Variants in HDLBP observed in about 807,000 individuals in gnomAD.
HDLBP encodes high density lipoprotein binding protein.
HDLBP carries 30 observed loss-of-function variants against 137.3 expected under a neutral mutation model. The observed-to-expected ratio is 0.22, with a 90% CI of 0.16 to 0.30. HDLBP has a LOEUF of 0.30. HDLBP is among the 10% of genes least tolerant of loss of function. The probability of loss-of-function intolerance (pLI) is 1.00; values close to 1 mark genes in which losing one functional copy is unlikely to be tolerated. For missense variants in HDLBP, 1,119 were observed against 1,667.3 expected, an observed-to-expected ratio of 0.67 and a Z score of 5.73; for synonymous variants, 606 against 596.0, an observed-to-expected ratio of 1.02 and a Z score of -0.24.
intron 4 of HDLBP, among the ~76,000 whole-genome samples, chr2:241,263,192 AAG>A (rs1464737999): frequency 6.6e-6 from 1 of 152,236 alleles, no homozygotes; most frequent in Non-Finnish European, 1.5e-5. Flanking sequence ...CAACAGGGGC[AAG>A]AGAGTTTGAG....
chr2:241,232,909 G>A (rs2069945446), intron 24 of HDLBP, among the ~76,000 whole-genome samples: 1 of 152,112 alleles, frequency 6.6e-6, no homozygotes, highest in Admixed American at 6.5e-5. Flanking sequence ...GAGGCAGGGT[G>A]CAGGAGGGCC....
chr2:241,257,097 C>T (rs1239721581), intron 5 of HDLBP, among the ~76,000 whole-genome samples: 1 of 152,096 alleles, frequency 6.6e-6, no homozygotes, highest in African/African-American at 2.4e-5. Context: ...CAGGAAGAAG[C>T]ATGACTGCAT....
At chr2:241,292,892 G>C (rs2075053493) in intron 1 of HDLBP, among the ~76,000 whole-genome samples, 1 of 152,218 alleles carries the variant, frequency 6.6e-6, no homozygotes, top group Non-Finnish European at 1.5e-5. Flanking sequence ...AATCAGCCAG[G>C]TGTGGCGGTG....
chr2:241,307,908 G>A (rs1484351658), intron 1 of HDLBP, among the ~76,000 whole-genome samples: 2 of 150,188 alleles, frequency 1.3e-5, no homozygotes, highest in Non-Finnish European at 3.0e-5. Flanking sequence ...AAACAATGCT[G>A]GAAAGAACAT....
intron 1 of HDLBP, among the ~76,000 whole-genome samples, chr2:241,313,515 A>C (rs1435270831): frequency 6.6e-6 from 1 of 152,116 alleles, no homozygotes; most frequent in Non-Finnish European, 1.5e-5. Context: ...CCTGACCTCA[A>C]GTGTCCACCC....
chr2:241,268,117 T>C (rs1238884911), intron 2 of HDLBP, among the ~76,000 whole-genome samples: 1 of 152,192 alleles, frequency 6.6e-6, no homozygotes, highest in Admixed American at 6.5e-5. Context: ...GGAGTGAATT[T>C]TGCATAATTT....
chr2:241,268,482 A>C lies in HDLBP; in HGVS notation c.-43T>G. The C allele has an allele frequency of 1.0e-6, 1 of 985,956 alleles. No individual in the cohort carries two copies. The highest frequency in any genetic ancestry group is 1.2e-6 in the Non-Finnish European group (1 of 829,978). 61.1% of individuals were successfully genotyped at this position (985,956 alleles called of 1,614,324 possible). On this transcript the variant is annotated 5_prime_UTR_variant, in exon 2 of 28. Coordinates refer to ENST00000310931, the MANE Select transcript of HDLBP (RefSeq NM_005336.6). ...TCAGACAGGGTCAAACTTACCAGCA[A>C]AACGGTCAGTAGCCAGAAGGTCCGT...
intron 20 of HDLBP, among the ~76,000 whole-genome samples, chr2:241,237,686 T>C (rs2070716182): frequency 6.6e-6 from 1 of 151,860 alleles, no homozygotes; most frequent in Non-Finnish European, 1.5e-5. Flanking sequence ...ATACCCACCA[T>C]GAATAAAGGG....
At chr2:241,257,181 T>C (rs2072697601) in intron 5 of HDLBP, among the ~76,000 whole-genome samples, 1 of 152,242 alleles carries the variant, frequency 6.6e-6, no homozygotes. Flanking sequence ...ATCAAGAAGT[T>C]AACAACATTA....
intron 1 of HDLBP, among the ~76,000 whole-genome samples, chr2:241,292,672 T>G (rs2075046540): frequency 6.6e-6 from 1 of 152,204 alleles, no homozygotes; most frequent in Non-Finnish European, 1.5e-5. Flanking sequence ...TTTAAAATAC[T>G]CAAATGAAAA....
chr2:241,264,576 C>T lies in HDLBP; in HGVS notation c.106G>A (p.Asp36Asn), dbSNP rs768840264. 108 of 1,613,678 alleles carry T rather than the reference C, an allele frequency of 6.7e-5. No homozygotes were observed. Among genetic ancestry groups the T allele is most frequent in the Non-Finnish European group, 8.6e-5 (101 of 1,179,926 alleles). ...VATLNSEEES[D>N]PPTYKDAFPP... The stretch of plus-strand genomic sequence containing the variant: ...AAGGCATCCTTGTAGGTTGGAGGGT[C>T]GCTCTCCTCTTCTGAATTTAGAGTG... The change falls in exon 4 of 28, where the codon GAC (aspartate) becomes AAC (asparagine). Residue 36 changes from aspartate to asparagine, a missense_variant. By Grantham distance (23) the Asp-to-Asn change is conservative (BLOSUM62 1). Around this residue, in one of 4 missense-constraint regions of HDLBP, gnomAD observed 59 missense variants for 92.4 expected, o/e 0.64. Coordinates refer to ENST00000310931, the MANE Select transcript of HDLBP (RefSeq NM_005336.6).
intron 22 of HDLBP, 107 bp downstream of exon 22, chr2:241,235,383 G>A (rs1336272165): frequency 8.1e-6 from 12 of 1,475,978 alleles, no homozygotes; most frequent in African/African-American, 6.9e-5. Flanking sequence ...TGCCCAGTCC[G>A]AGCAGGAGGA....
At chr2:241,299,180 T>A (rs1172432688) in intron 1 of HDLBP, among the ~76,000 whole-genome samples, 3 of 152,162 alleles carry the variant, frequency 2.0e-5, no homozygotes, top group Non-Finnish European at 4.4e-5. Context: ...GATCGTTTTT[T>A]AAAAAAATTA....
At chr2:241,296,842 C>T (rs1039572868) in intron 1 of HDLBP, among the ~76,000 whole-genome samples, 1 of 152,208 alleles carries the variant, frequency 6.6e-6, no homozygotes, top group Admixed American at 6.5e-5. Context: ...TTCAAAAATG[C>T]TACTCTCCAG....
Position 241,246,779 on chromosome 2 carries a change from G to A in HDLBP, c.1923C>T (p.Ser641=). The change falls in exon 16 of 28, where the codon AGC becomes AGT. Residue 641 remains serine, a synonymous_variant. Coordinates refer to ENST00000310931, the MANE Select transcript of HDLBP (RefSeq NM_005336.6). The part of the protein sequence containing the change: ...GKRANCEAAR[S]RILSIQKDLA... ...GGTCTTTCTGAATAGACAGAATCCT[G>A]CTCCGGGCAGCTTCGCAGTTGGCTC... is the stretch of plus-strand genomic sequence containing the variant. 6.2e-7 allele frequency: 1 copy of A among 1,614,154 alleles called. No homozygotes were observed. Among genetic ancestry groups the A allele is most frequent in the Non-Finnish European group, 8.5e-7 (1 of 1,179,988 alleles).
Position 241,230,323 on chromosome 2 carries a change from A to T in HDLBP, c.3475-54T>A. ...GGGACTCCAAGCGAGGAAAAGGGTTAAAATTATGTGTCAATTTCTAGTGAA... is the reference window on the plus strand; with the variant it reads ...GGGACTCCAAGCGAGGAAAAGGGTTTAAATTATGTGTCAATTTCTAGTGAA... On this transcript the variant is annotated intron_variant, in intron 25 of 27. Transcript: ENST00000310931. This position sits in a 1 kb window ranked among gnomAD's most constrained non-coding sequence, Gnocchi z 5.0. 9.4e-7 allele frequency: 1 copy of T among 1,065,618 alleles called. No homozygotes were observed. The highest frequency in any genetic ancestry group is 1.4e-6 in the Non-Finnish European group (1 of 722,216). 66.0% of individuals were successfully genotyped at this position (1,065,618 alleles called of 1,614,324 possible).
At chr2:241,278,306 G>A (rs183492060) in intron 1 of HDLBP, among the ~76,000 whole-genome samples, 154 of 152,338 alleles carry the variant, frequency 1.0e-3, no homozygotes, top group Non-Finnish European at 1.7e-3. Context: ...CAAATAGGCT[G>A]GGCACGGTGG....
At chr2:241,247,865 C>T (rs1390280760) in intron 14 of HDLBP, 138 bp downstream of exon 14, 2 of 628,892 alleles carry the variant, frequency 3.2e-6, no homozygotes, top group Non-Finnish European at 2.9e-6. Context: ...GTCCCAAGTC[C>T]CTGAGATGGA....
chr2:241,291,259 C>T (rs565264841), intron 1 of HDLBP, among the ~76,000 whole-genome samples: 2 of 152,122 alleles, frequency 1.3e-5, no homozygotes, highest in Middle Eastern at 3.2e-3. Flanking sequence ...CACCATCTCA[C>T]GGCAAGAGAC....
Sources: allele counts gnomAD v4.1 joint callset (sites outside exome capture counted in the v4.1 genomes callset), GRCh38; gene constraint gnomAD v4.1.1; regional missense constraint gnomAD v4.1.1; non-coding constraint Gnocchi (gnomAD v3.1); transcripts MANE v1.5; gene names NCBI Gene and HGNC (gene_info 2026-07-23, HGNC 2026-07-21).